Variants in INPP5A observed in about 807,000 individuals in gnomAD.
INPP5A encodes the protein 43 kDa inositol polyphosphate 5-phophatase.
INPP5A carries 14 observed loss-of-function variants against 65.2 expected under a neutral mutation model. The observed-to-expected ratio is 0.21, with a 90% CI of 0.14 to 0.34. The LOEUF (loss-of-function observed/expected upper bound fraction) is 0.34. INPP5A is among the 10% of genes least tolerant of loss of function. The probability of loss-of-function intolerance (pLI) is 1.00; values close to 1 mark genes in which losing one functional copy is unlikely to be tolerated. For synonymous variants in INPP5A, 207 were observed against 208.3 expected, an observed-to-expected ratio of 0.99 and a Z score of 0.05; for missense variants, 431 against 545.6, an observed-to-expected ratio of 0.79 and a Z score of 2.09.
At chr10:132,780,990 A>G (rs1591011343) in intron 14 of INPP5A, 73 bp downstream of exon 14, 2 of 226,944 alleles carry the variant, frequency 8.8e-6, no homozygotes, top group Non-Finnish European at 1.7e-5. Flanking sequence ...GGCTGGGGCC[A>G]GTGGGTGGGC....
chr10:132,754,892 G>C (rs1319631146), intron 11 of INPP5A, among the ~76,000 whole-genome samples: 2 of 152,174 alleles, frequency 1.3e-5, no homozygotes, highest in Non-Finnish European at 2.9e-5. Flanking sequence ...TGTGTGAGCA[G>C]GCATATGCAT....
intron 3 of INPP5A, among the ~76,000 whole-genome samples, chr10:132,646,587 C>T (rs897464423): frequency 2.6e-5 from 4 of 152,264 alleles, no homozygotes; most frequent in East Asian, 1.9e-4. Context: ...TGTATTTTCC[C>T]GAGGCCGCAG....
chr10:132,697,695 C>T lies in INPP5A; in HGVS notation c.371-121C>T, dbSNP rs572598928. On this transcript the variant is annotated intron_variant, in intron 5 of 15. Transcript: ENST00000368594. This position sits in a 1 kb window ranked among gnomAD's most constrained non-coding sequence, Gnocchi z 5.6. Reference sequence around the variant, plus strand: ...GGGTCGGACCCCTCATCAGGGCCTCCTCTCGGGGGGCCTCTCTGGCTCCCA... The same window carrying T: ...GGGTCGGACCCCTCATCAGGGCCTCTTCTCGGGGGGCCTCTCTGGCTCCCA... The T allele has an allele frequency of 2.9e-6, 2 of 692,336 alleles. No individual in the cohort carries two copies. Among genetic ancestry groups the T allele is most frequent in the East Asian group, 2.7e-5 (1 of 36,448 alleles). 42.9% of individuals were successfully genotyped at this position (692,336 alleles called of 1,614,324 possible).
chr10:132,778,344 G>A (rs1025013355), intron 13 of INPP5A, among the ~76,000 whole-genome samples: 11 of 113,674 alleles, frequency 9.7e-5, no homozygotes, highest in Non-Finnish European at 1.7e-4. Context: ...CAAAAGAGGT[G>A]ATAGGGGCTT....
chr10:132,623,049 G>C (rs1392009212), intron 2 of INPP5A, among the ~76,000 whole-genome samples: 1 of 152,208 alleles, frequency 6.6e-6, no homozygotes, highest in Non-Finnish European at 1.5e-5. Context: ...CAGTTACGCT[G>C]ACATGTTAAT....
At position 132,538,026 on chromosome 10, in the gene INPP5A, G is replaced by A; in HGVS notation, c.-71G>A. ...CGCCCCGCGGCCCCGCGAAGACCCC[G>A]GCCGGCCGGTCCCGGAGGAAGCGGC... On this transcript the variant is annotated 5_prime_UTR_variant, in exon 1 of 16. Transcript: ENST00000368594. This position sits in a 1 kb window ranked among gnomAD's most constrained non-coding sequence, Gnocchi z 4.1. 1 of 775,162 alleles carries A rather than the reference G, an allele frequency of 1.3e-6. No individual in the cohort carries two copies. The highest frequency in any genetic ancestry group is 1.6e-6 in the Non-Finnish European group (1 of 638,494). 48.0% of individuals were successfully genotyped at this position (775,162 alleles called of 1,614,324 possible). A position where few individuals can be genotyped will look rare whatever the true frequency, so the allele number is the denominator to read the frequency against.
In INPP5A at chr10:132,545,142, A is replaced by G. The variant is rs2070953093; in HGVS notation, c.75+6971A>G. On this transcript the variant is annotated intron_variant, in intron 1 of 15. Coordinates refer to ENST00000368594, the MANE Select transcript of INPP5A (RefSeq NM_005539.5). The surrounding 1 kb of genome is among the most constrained non-coding windows in gnomAD (Gnocchi z 4.6). Reference sequence around the variant, plus strand: ...TGTGGAGTTGTGGGGCAGGTGGAGCAGGGCAGAGGGCCCCGCACGGCTCTG... The same window carrying G: ...TGTGGAGTTGTGGGGCAGGTGGAGCGGGGCAGAGGGCCCCGCACGGCTCTG... Among the ~76,000 whole-genome samples the G allele has an allele frequency of 6.6e-6, 1 of 151,658 alleles. No homozygotes were observed. The highest frequency in any genetic ancestry group is 6.6e-5 in the Admixed American group (1 of 15,220).
intron 9 of INPP5A, among the ~76,000 whole-genome samples, chr10:132,740,758 A>C (rs576276421): frequency 6.6e-6 from 1 of 152,328 alleles, no homozygotes; most frequent in South Asian, 2.1e-4. Flanking sequence ...GATAATAAAG[A>C]AGGATGGGAC....
intron 2 of INPP5A, among the ~76,000 whole-genome samples, chr10:132,625,051 T>C (rs1369491541): frequency 6.6e-6 from 1 of 151,462 alleles, no homozygotes; most frequent in Non-Finnish European, 1.5e-5. Context: ...GGCCTCCTGC[T>C]CCTGCCTCAG....
intron 4 of INPP5A, among the ~76,000 whole-genome samples, chr10:132,671,149 C>T (rs906477152): frequency 1.3e-5 from 2 of 152,236 alleles, no homozygotes; most frequent in African/African-American, 2.4e-5. Flanking sequence ...CATGTGGGCA[C>T]GCCTCCATCT....
At chr10:132,720,552 G>A (rs1214101414) in intron 8 of INPP5A, among the ~76,000 whole-genome samples, 2 of 150,290 alleles carry the variant, frequency 1.3e-5, no homozygotes, top group African/African-American at 4.9e-5. Flanking sequence ...TTAGACGACT[G>A]TCTTCAGGGT....
At chr10:132,618,620 C>T (rs547790686) in intron 2 of INPP5A, among the ~76,000 whole-genome samples, 7 of 152,126 alleles carry the variant, frequency 4.6e-5, no homozygotes, top group African/African-American at 1.4e-4. Context: ...AAGAAATACC[C>T]GAGACTGGGT....
chr10:132,588,717 A>C (rs974474277), intron 1 of INPP5A, among the ~76,000 whole-genome samples: 3 of 152,274 alleles, frequency 2.0e-5, no homozygotes, highest in South Asian at 2.1e-4. Context: ...GTTTTAAGGA[A>C]GTCTTTGGAA....
chr10:132,710,379 C>G lies in INPP5A; in HGVS notation c.570C>G (p.Ser190=), dbSNP rs1372013597. The G allele has an allele frequency of 6.2e-7, 1 of 1,614,174 alleles. No individual in the cohort carries two copies. The highest frequency in any genetic ancestry group is 1.1e-5 in the South Asian group (1 of 91,082). The change falls in exon 8 of 16, where the codon TCC becomes TCG. Residue 190 remains serine, a synonymous_variant. Transcript: ENST00000368594. ...ATATCCATCTTTTCCATGATGCTTCCAATCTGGTCGCCTGGGAAACAAGCC... is the reference window on the plus strand; with the variant it reads ...ATATCCATCTTTTCCATGATGCTTCGAATCTGGTCGCCTGGGAAACAAGCC... The part of the protein sequence containing the change: ...LVNIHLFHDA[S]NLVAWETSPS...
intron 4 of INPP5A, among the ~76,000 whole-genome samples, chr10:132,679,914 C>T (rs893501477): frequency 9.9e-5 from 15 of 152,154 alleles, no homozygotes; most frequent in South Asian, 2.1e-4. Context: ...GATACCCACA[C>T]GCAGAAGAAT....
At position 132,704,922 on chromosome 10, in the gene INPP5A, G is replaced by A. The variant is rs12414501; in HGVS notation, c.475-3391G>A. On this transcript the variant is annotated intron_variant, in intron 6 of 15. Coordinates refer to ENST00000368594, the MANE Select transcript of INPP5A (RefSeq NM_005539.5). This position sits in a 1 kb window ranked among gnomAD's most constrained non-coding sequence, Gnocchi z 4.5. Reference sequence around the variant, plus strand: ...ATGGAGGAAGGGCGTCTGGACAGGCGGCAGGCAGCTCCTCTGGAGTGTGGA... The same window carrying A: ...ATGGAGGAAGGGCGTCTGGACAGGCAGCAGGCAGCTCCTCTGGAGTGTGGA... 6.2e-5 allele frequency among the ~76,000 whole-genome samples: 6 copies of A among 97,420 alleles called. No individual in the cohort carries two copies. The highest frequency in any genetic ancestry group is 3.3e-4 in the South Asian group (1 of 2,992). 63.9% of individuals were successfully genotyped at this position (97,420 alleles called of 152,430 possible). A position where few individuals can be genotyped will look rare whatever the true frequency, so the allele number is the denominator to read the frequency against.
At position 132,545,924 on chromosome 10, in the gene INPP5A, T is replaced by C. The variant is rs540833733; in HGVS notation, c.75+7753T>C. Among the ~76,000 whole-genome samples, 31 of 152,360 alleles carry C rather than the reference T, an allele frequency of 2.0e-4. No individual in the cohort carries two copies. In the South Asian group the frequency reaches 6.2e-3, roughly 31 times the overall value. ...CGCTCGGCCTGAGGTGATGAGAGTGTGGATGGCACCTGCACTGTGTCCACT... is the reference window on the plus strand; with the variant it reads ...CGCTCGGCCTGAGGTGATGAGAGTGCGGATGGCACCTGCACTGTGTCCACT... On this transcript the variant is annotated intron_variant, in intron 1 of 15. Coordinates refer to ENST00000368594, the MANE Select transcript of INPP5A (RefSeq NM_005539.5). This position sits in a 1 kb window ranked among gnomAD's most constrained non-coding sequence, Gnocchi z 4.6.
At chr10:132,700,607 G>C (rs1331562385) in intron 6 of INPP5A, among the ~76,000 whole-genome samples, 1 of 152,142 alleles carries the variant, frequency 6.6e-6, no homozygotes, top group East Asian at 1.9e-4. Context: ...GGAGGGGCCC[G>C]GGGAGCCATG....
chr10:132,638,308 A>G (rs765978946), intron 2 of INPP5A, among the ~76,000 whole-genome samples: 7 of 151,882 alleles, frequency 4.6e-5, no homozygotes, highest in Non-Finnish European at 7.4e-5. Flanking sequence ...TTGTGTTCCA[A>G]CCCACGCTCG....
Sources: gnomAD v4.1 joint callset for allele counts (sites outside exome capture counted in the v4.1 genomes callset) on GRCh38, gnomAD v4.1.1 for gene constraint, Gnocchi (gnomAD v3.1) non-coding constraint, MANE v1.5 for transcripts, NCBI Gene and HGNC (gene_info 2026-07-23, HGNC 2026-07-21) for gene names.